Variants in SRBD1 observed in about 807,000 individuals in gnomAD.
SRBD1 encodes the protein S1 RNA binding domain 1, also known as S1 RNA-binding domain-containing protein 1.
In SRBD1, 88 loss-of-function variants were observed where a neutral mutation model predicts 115.3. The observed-to-expected ratio is 0.76, with a 90% CI of 0.64 to 0.91. The LOEUF is 0.91. Ranked by LOEUF, SRBD1 falls within the 40% of genes least tolerant of loss-of-function variation. The pLI, the probability that SRBD1 is intolerant of heterozygous loss-of-function variation, is 0.00. For synonymous variants in SRBD1, 509 were observed against 407.7 expected (o/e 1.25, Z -2.99); for missense variants, 1,385 against 1,177.4 (o/e 1.18, Z -2.58).
intron 14 of SRBD1, among the ~76,000 whole-genome samples, chr2:45,497,831 T>G (rs921143755): frequency 2.0e-5 from 3 of 151,932 alleles, no homozygotes; most frequent in Non-Finnish European, 4.4e-5. Context: ...GGTCAGGAGT[T>G]CAAGACCAGC....
chr2:45,500,427 A>ATT (rs34766902), intron 14 of SRBD1, among the ~76,000 whole-genome samples: 1 of 145,290 alleles, frequency 6.9e-6, no homozygotes, highest in Non-Finnish European at 1.5e-5. Context: ...AACAATATTG[A>ATT]TTTTTTTTTT....
rs369377396 is a variant in SRBD1 at position 45,596,306 on chromosome 2, A to C, written c.648+3143T>G. On this transcript the variant is annotated intron_variant, in intron 4 of 20. Coordinates refer to ENST00000263736, the MANE Select transcript of SRBD1 (RefSeq NM_018079.5). ...TAATCTTGCCTTTCTCTTGGAATGT[A>C]TTTTCCAAAAGGCTTTGTTTAGCTG... 8.3e-4 allele frequency among the ~76,000 whole-genome samples: 126 copies of C among 152,226 alleles called. 1 individual carries two copies. The highest frequency in any genetic ancestry group is 2.9e-3 in the African/African-American group (122 of 41,536).
intron 11 of SRBD1, 55 bp downstream of exon 11, chr2:45,553,568 C>A: frequency 8.7e-7 from 1 of 1,150,782 alleles, no homozygotes; most frequent in Admixed American, 2.5e-5. Flanking sequence ...TGTAATGGTA[C>A]TAGTATCATA....
At chr2:45,480,236 T>C (rs979706586) in intron 15 of SRBD1, among the ~76,000 whole-genome samples, 4 of 152,200 alleles carry the variant, frequency 2.6e-5, no homozygotes, top group Non-Finnish European at 4.4e-5. Context: ...ATTTTGACTT[T>C]CAAGTCTTAT....
At chr2:45,609,754 T>A (rs1674386391) in intron 1 of SRBD1, among the ~76,000 whole-genome samples, 1 of 152,084 alleles carries the variant, frequency 6.6e-6, no homozygotes, top group East Asian at 1.9e-4. Flanking sequence ...CTAAAATAGG[T>A]TTCTCAATTA....
At chr2:45,512,610 G>A (rs746615410) in intron 14 of SRBD1, among the ~76,000 whole-genome samples, 2 of 152,098 alleles carry the variant, frequency 1.3e-5, no homozygotes, top group Non-Finnish European at 2.9e-5. Context: ...GACAATCATT[G>A]TGCTTTACGT....
At chr2:45,484,283 C>A (rs1036269930) in intron 15 of SRBD1, among the ~76,000 whole-genome samples, 3 of 152,138 alleles carry the variant, frequency 2.0e-5, no homozygotes, top group African/African-American at 7.2e-5. Context: ...TTTGGGTGCT[C>A]TGGCCATTTC....
chr2:45,471,600 T>C (rs543852839), intron 16 of SRBD1, among the ~76,000 whole-genome samples: 25 of 152,164 alleles, frequency 1.6e-4, no homozygotes, highest in African/African-American at 7.2e-5. Flanking sequence ...TTGCTAGAAA[T>C]AGTAATTTAG....
intron 9 of SRBD1, among the ~76,000 whole-genome samples, chr2:45,567,464 C>A (rs1572786397): frequency 6.6e-6 from 1 of 152,048 alleles, no homozygotes; most frequent in East Asian, 1.9e-4. Flanking sequence ...CAAAAATCAG[C>A]CAGGTGTGCT....
At chr2:45,551,377 G>C in intron 11 of SRBD1, 95 bp from the exon 12 acceptor site, 1 of 1,213,248 alleles carries the variant, frequency 8.2e-7, no homozygotes, top group African/African-American at 1.6e-5. Context: ...ATTTCTCAAA[G>C]GATAATTTAT....
intron 14 of SRBD1, among the ~76,000 whole-genome samples, chr2:45,527,745 T>G (rs1671492752): frequency 6.6e-6 from 1 of 151,908 alleles, no homozygotes; most frequent in South Asian, 2.1e-4. Context: ...ATTAAGTAAC[T>G]TAAGCACAGT....
At chr2:45,465,122 C>A (rs1465683722) in intron 16 of SRBD1, among the ~76,000 whole-genome samples, 1 of 151,446 alleles carries the variant, frequency 6.6e-6, no homozygotes, top group Non-Finnish European at 1.5e-5. Flanking sequence ...TACTCAAGGC[C>A]CTGATATAAA....
In SRBD1 at chr2:45,432,429, G is replaced by C. The variant is rs531720152; in HGVS notation, c.2050-12535C>G. Among the ~76,000 whole-genome samples, 188 of 152,314 alleles carry C rather than the reference G, an allele frequency of 1.2e-3. 1 individual carries two copies. The South Asian group carries it at 0.015, about 12-fold the overall frequency. On this transcript the variant is annotated intron_variant, in intron 16 of 20. Transcript: ENST00000263736. ...TAATAATGTCTTTGACATTAAAGCAGAGGCATTCATTTGCTATTCTAAGAA... is the reference window on the plus strand; with the variant it reads ...TAATAATGTCTTTGACATTAAAGCACAGGCATTCATTTGCTATTCTAAGAA...
intron 16 of SRBD1, among the ~76,000 whole-genome samples, chr2:45,470,572 C>T (rs1017998799): frequency 3.3e-5 from 5 of 152,002 alleles, no homozygotes; most frequent in Admixed American, 6.6e-5. Flanking sequence ...ATGAAAGTAC[C>T]GAAAACACAG....
At chr2:45,556,446 TA>T (rs1672478822) in intron 10 of SRBD1, among the ~76,000 whole-genome samples, 1 of 131,494 alleles carries the variant, frequency 7.6e-6, no homozygotes. Context: ...TATGCTCTAT[TA>T]CTTTTTTTTT....
At position 45,556,843 on chromosome 2, in the gene SRBD1, C is replaced by T. The variant is rs1046970865; in HGVS notation, c.1410-3113G>A. On this transcript the variant is annotated intron_variant, in intron 10 of 20. Coordinates refer to ENST00000263736, the MANE Select transcript of SRBD1 (RefSeq NM_018079.5). ...TCAGTAAAATGGGAGTAATAATAGT[C>T]TACTTCATTGAATTGTTGTGAGTTA... Among the ~76,000 whole-genome samples the T allele has an allele frequency of 5.9e-5, 9 of 152,156 alleles. No homozygotes were observed. The South Asian group carries it at 6.2e-4, about 11-fold the overall frequency.
Position 45,488,244 on chromosome 2 carries a change from A to G in SRBD1, c.1962T>C (p.Ser654=), listed in dbSNP as rs1670180481. 1.2e-6 allele frequency: 2 copies of G among 1,613,588 alleles called. No individual in the cohort carries two copies. Among genetic ancestry groups the G allele is most frequent in the African/African-American group, 1.3e-5 (1 of 74,898 alleles). The change falls in exon 15 of 21, where the codon AGT becomes AGC. Residue 654 remains serine, a synonymous_variant. Transcript: ENST00000263736. ...EMPGLDPNLR[S]AVSIARRVQD... ...TGATGGTCCATAGTTTCTTACCTGC[A>G]CTTCTCAAATTAGGGTCCAGCCCTG...
intron 15 of SRBD1, among the ~76,000 whole-genome samples, chr2:45,478,114 T>G (rs1669858626): frequency 6.6e-6 from 1 of 152,182 alleles, no homozygotes; most frequent in South Asian, 2.1e-4. Flanking sequence ...ACACTGAGTC[T>G]TTATATATAT....
rs975820504 is a variant in SRBD1, at chr2:45,514,488, G to A, written c.1875-26157C>T. ...AAAAAAACGACTGCTTTACCACTGC[G>A]TTTAACTCCTAAAGTGCTACTGAGT... On this transcript the variant is annotated intron_variant, in intron 14 of 20. Coordinates refer to ENST00000263736, the MANE Select transcript of SRBD1 (RefSeq NM_018079.5). Among the ~76,000 whole-genome samples, 5 of 152,128 alleles carry A rather than the reference G, an allele frequency of 3.3e-5. No individual in the cohort carries two copies. The East Asian group carries it at 5.8e-4, about 18-fold the overall frequency.
Sources: allele counts gnomAD v4.1 joint callset (sites outside exome capture counted in the v4.1 genomes callset), GRCh38; gene constraint gnomAD v4.1.1; transcripts MANE v1.5; gene names NCBI Gene and HGNC (gene_info 2026-07-23, HGNC 2026-07-21).